Variants in GAB2 observed in about 807,000 individuals in gnomAD.
GAB2 encodes the protein GRB2 associated binding protein 2, also known as GRB2-associated-binding protein 2.
In GAB2, 26 loss-of-function variants were observed where a neutral mutation model predicts 65.5. The ratio of observed to expected loss-of-function variants is 0.40; its 90% CI spans 0.29 to 0.55. The LOEUF (loss-of-function observed/expected upper bound fraction) is 0.55, where lower values mean the gene tolerates loss of function less well. Among genes scored for constraint, GAB2 ranks in the 20% least tolerant of loss-of-function variants. The pLI, the probability that GAB2 is intolerant of heterozygous loss-of-function variation, is 0.53. For synonymous variants in GAB2, 321 were observed against 329.6 expected (o/e 0.97, Z 0.28); for missense variants, 884 against 875.8 (o/e 1.01, Z -0.12).
intron 9 of GAB2, 91 bp from the exon 10 acceptor site, chr11:78,219,506 C>G: frequency 8.3e-7 from 1 of 1,202,070 alleles, no homozygotes; most frequent in African/African-American, 1.5e-5. Flanking sequence ...CCTGAGCTGT[C>G]TGAAGGGGAG....
intron 7 of GAB2, 39 bp downstream of exon 7, chr11:78,222,066 C>T (rs1254942101): frequency 7.4e-7 from 1 of 1,352,744 alleles, no homozygotes; most frequent in East Asian, 2.3e-5. Context: ...TCCCTAATGG[C>T]CCGACTCCAA....
intron 2 of GAB2, among the ~76,000 whole-genome samples, chr11:78,259,854 A>G (rs1865686443): frequency 6.6e-6 from 1 of 152,202 alleles, no homozygotes; most frequent in Non-Finnish European, 1.5e-5. Flanking sequence ...ACTTACTCCA[A>G]GAGCCCTTAC....
At position 78,220,299 on chromosome 11, in the gene GAB2, C is replaced by A. The variant is rs1175391520; in HGVS notation, c.1887+20G>T. 6 of 1,611,564 alleles carry A rather than the reference C, an allele frequency of 3.7e-6. No individual in the cohort carries two copies. Among genetic ancestry groups the A allele is most frequent in the South Asian group, 1.1e-5 (1 of 90,902 alleles). Reference sequence around the variant, plus strand: ...GGACCCTGAGAGCTCTTACTGCCCCCCCAACTCTACTCCAGGCACCTTGCG... The same window carrying A: ...GGACCCTGAGAGCTCTTACTGCCCCACCAACTCTACTCCAGGCACCTTGCG... On this transcript the variant is annotated intron_variant, in intron 9 of 9. Transcript: ENST00000361507.
intron 1 of GAB2, among the ~76,000 whole-genome samples, chr11:78,397,564 A>T (rs187778540): frequency 1.1e-4 from 17 of 152,354 alleles, no homozygotes; most frequent in African/African-American, 3.6e-4. Context: ...AGAACATATG[A>T]GGAAATGAGG....
At chr11:78,260,050 A>C (rs1191715892) in intron 2 of GAB2, among the ~76,000 whole-genome samples, 1 of 152,240 alleles carries the variant, frequency 6.6e-6, no homozygotes, top group African/African-American at 2.4e-5. Context: ...TCAAAGTACT[A>C]AACACTAGTA....
chr11:78,376,973 T>C (rs1196782809), intron 1 of GAB2, among the ~76,000 whole-genome samples: 2 of 152,116 alleles, frequency 1.3e-5, no homozygotes, highest in Non-Finnish European at 2.9e-5. Flanking sequence ...TAAAAGTGTA[T>C]GGCACCTCCT....
At chr11:78,263,899 ATTTTTTT>A (rs35453397) in intron 2 of GAB2, among the ~76,000 whole-genome samples, 3 of 142,562 alleles carry the variant, frequency 2.1e-5, no homozygotes, top group Non-Finnish European at 4.6e-5. Context: ...TCTCCTGTCA[ATTTTTTT>A]TTTTTTTTTT....
chr11:78,255,915 G>C (rs1438388399), intron 2 of GAB2, among the ~76,000 whole-genome samples: 3 of 152,330 alleles, frequency 2.0e-5, no homozygotes, highest in South Asian at 2.1e-4. Context: ...TAGGCTAATA[G>C]TGGAGAGACT....
At chr11:78,336,092 T>G (rs1855993024) in intron 1 of GAB2, among the ~76,000 whole-genome samples, 2 of 151,784 alleles carry the variant, frequency 1.3e-5, no homozygotes, top group Non-Finnish European at 1.5e-5. Flanking sequence ...GGGAGGCGGA[T>G]CACTGGAAGC....
At chr11:78,369,884 TTTTG>T (rs1426632800) in intron 1 of GAB2, among the ~76,000 whole-genome samples, 4 of 152,186 alleles carry the variant, frequency 2.6e-5, no homozygotes, top group African/African-American at 7.2e-5. Context: ...GCGTGGGGTT[TTTTG>T]TTTGTTTGTT....
intron 1 of GAB2, among the ~76,000 whole-genome samples, chr11:78,395,623 C>T (rs1206304212): frequency 6.6e-6 from 1 of 152,206 alleles, no homozygotes; most frequent in Non-Finnish European, 1.5e-5. Context: ...CCTAAGGTAT[C>T]ATCTGTCCTT....
At chr11:78,307,681 T>C (rs1413724384) in intron 1 of GAB2, among the ~76,000 whole-genome samples, 2 of 150,932 alleles carry the variant, frequency 1.3e-5, no homozygotes, top group Non-Finnish European at 2.9e-5. Context: ...AATGTCCAAG[T>C]TGTAACATTT....
chr11:78,314,137 C>T (rs1855554345), intron 1 of GAB2, among the ~76,000 whole-genome samples: 1 of 152,178 alleles, frequency 6.6e-6, no homozygotes, highest in Non-Finnish European at 1.5e-5. Flanking sequence ...GTCAGGCAGG[C>T]ATCACATGAG....
chr11:78,293,008 C>A (rs1343807000), intron 1 of GAB2, among the ~76,000 whole-genome samples: 1 of 152,210 alleles, frequency 6.6e-6, no homozygotes, highest in Non-Finnish European at 1.5e-5. Flanking sequence ...GAAGCTACTG[C>A]AGATGAATTG....
chr11:78,316,989 A>T (rs917973778), intron 1 of GAB2, among the ~76,000 whole-genome samples: 2 of 152,250 alleles, frequency 1.3e-5, no homozygotes, highest in African/African-American at 4.8e-5. Context: ...ATGCTACAGC[A>T]GGGATGAACC....
chr11:78,269,115 T>A (rs913139594), intron 2 of GAB2, among the ~76,000 whole-genome samples: 2 of 151,958 alleles, frequency 1.3e-5, no homozygotes, highest in Non-Finnish European at 2.9e-5. Context: ...ATTGTCTCAG[T>A]GGAAAAAAAG....
At chr11:78,281,246 G>T (rs1413273101) in intron 1 of GAB2, among the ~76,000 whole-genome samples, 1 of 69,584 alleles carries the variant, frequency 1.4e-5, no homozygotes, top group African/African-American at 4.8e-5. Context: ...TGACCTTAAT[G>T]CATTTTTTTT....
intron 1 of GAB2, among the ~76,000 whole-genome samples, chr11:78,349,071 G>A (rs999659357): frequency 6.6e-6 from 1 of 152,226 alleles, no homozygotes; most frequent in East Asian, 1.9e-4. Flanking sequence ...TTTTGGGGAT[G>A]ATGCCAATGT....
At chr11:78,395,280 C>T (rs1271623217) in intron 1 of GAB2, among the ~76,000 whole-genome samples, 2 of 152,214 alleles carry the variant, frequency 1.3e-5, no homozygotes, top group Non-Finnish European at 1.5e-5. Context: ...ACGGTGAAAC[C>T]GTGTCTCTAC....
Sources: gnomAD v4.1 joint callset for allele counts (sites outside exome capture counted in the v4.1 genomes callset) on GRCh38, gnomAD v4.1.1 for gene constraint, MANE v1.5 for transcripts, NCBI Gene and HGNC (gene_info 2026-07-23, HGNC 2026-07-21) for gene names.